Variants in SLC35G2 observed in about 807,000 individuals in gnomAD.
SLC35G2 encodes transmembrane protein 22.
Under a neutral mutation model 27.2 loss-of-function variants are expected in SLC35G2, and 20 were observed. The ratio of observed to expected loss-of-function variants is 0.74; its 90% CI spans 0.52 to 1.07. The LOEUF (loss-of-function observed/expected upper bound fraction) is 1.07. Among genes scored for constraint, SLC35G2 ranks in the 50% least tolerant of loss-of-function variants. SLC35G2 has a pLI of 0.00. For synonymous variants in SLC35G2, 148 were observed against 165.3 expected (o/e 0.90, Z 0.80); for missense variants, 416 against 493.3 (o/e 0.84, Z 1.48).
chr3:136,830,938 TTTTG>T (rs1560011341), intron 1 of SLC35G2, among the ~76,000 whole-genome samples: 1 of 152,242 alleles, frequency 6.6e-6, no homozygotes, highest in Non-Finnish European at 1.5e-5. Context: ...CTTTACTAAA[TTTTG>T]TTTAATCATT....
chr3:136,855,814 A>G lies in SLC35G2; in HGVS notation c.*115A>G. The G allele has an allele frequency of 1.4e-6, 1 of 731,380 alleles. No individual in the cohort carries two copies. The highest frequency in any genetic ancestry group is 2.2e-6 in the Non-Finnish European group (1 of 449,452). 45.3% of individuals were successfully genotyped at this position (731,380 alleles called of 1,614,324 possible). On this transcript the variant is annotated 3_prime_UTR_variant, in exon 2 of 2. Transcript: ENST00000446465. Reference sequence around the variant, plus strand: ...ACTGACAGAGTGCTATAAAATATATAATATATACAAATGCAGAAAATTTAT... The same window carrying G: ...ACTGACAGAGTGCTATAAAATATATGATATATACAAATGCAGAAAATTTAT...
intron 1 of SLC35G2, among the ~76,000 whole-genome samples, chr3:136,841,456 T>C (rs974015512): frequency 1.3e-5 from 2 of 152,000 alleles, no homozygotes; most frequent in African/African-American, 2.4e-5. Flanking sequence ...CAGCCGGACA[T>C]GGTGGCTCAT....
chr3:136,819,285 C>A lies in SLC35G2; in HGVS notation c.-362C>A, dbSNP rs1429141993. 2 of 152,040 alleles carry A rather than the reference C, an allele frequency of 1.3e-5. No individual in the cohort carries two copies. Among genetic ancestry groups the A allele is most frequent in the East Asian group, 1.9e-4 (1 of 5,164 alleles). 9.4% of individuals were successfully genotyped at this position (152,040 alleles called of 1,614,324 possible). On this transcript the variant is annotated 5_prime_UTR_variant, in exon 1 of 2. Transcript: ENST00000446465. Reference sequence around the variant, plus strand: ...TGATCCTGCCTGCCCGGCCGCCCGACAAGGGAATGAGAGCGGACCCCGAAC... The same window carrying A: ...TGATCCTGCCTGCCCGGCCGCCCGAAAAGGGAATGAGAGCGGACCCCGAAC...
intron 1 of SLC35G2, among the ~76,000 whole-genome samples, chr3:136,846,255 G>C (rs974561105): frequency 1.3e-5 from 2 of 152,154 alleles, no homozygotes; most frequent in Non-Finnish European, 2.9e-5. Context: ...ATAGGAATGA[G>C]GTGGTCTCAG....
chr3:136,845,053 T>G (rs547874794), intron 1 of SLC35G2, among the ~76,000 whole-genome samples: 83 of 152,268 alleles, frequency 5.5e-4, no homozygotes, highest in African/African-American at 1.8e-3. Flanking sequence ...TTATGTAATT[T>G]TTAATGACAT....
Position 136,854,632 on chromosome 3 carries a change from C to T in SLC35G2, c.172C>T (p.Leu58=). ...FMEENPKKGL[L]SEMKKKGRAF... Reference sequence around the variant, plus strand: ...GGAGGAAAATCCAAAGAAAGGTCTGCTGAGTGAAATGAAAAAAAAAGGGAG... The same window carrying T: ...GGAGGAAAATCCAAAGAAAGGTCTGTTGAGTGAAATGAAAAAAAAAGGGAG... The change falls in exon 2 of 2, where the codon CTG becomes TTG. Residue 58 remains leucine, a synonymous_variant. Coordinates refer to ENST00000446465, the MANE Select transcript of SLC35G2 (RefSeq NM_025246.3). 1 of 1,613,394 alleles carries T rather than the reference C, an allele frequency of 6.2e-7. No individual in the cohort carries two copies. Among genetic ancestry groups the T allele is most frequent in the Non-Finnish European group, 8.5e-7 (1 of 1,179,888 alleles).
chr3:136,822,033 G>C (rs1936469967), intron 1 of SLC35G2, among the ~76,000 whole-genome samples: 1 of 152,030 alleles, frequency 6.6e-6, no homozygotes, highest in Non-Finnish European at 1.5e-5. Context: ...TTGATATAGG[G>C]ATGCAACATG....
At chr3:136,834,783 T>C (rs1255666879) in intron 1 of SLC35G2, among the ~76,000 whole-genome samples, 1 of 152,238 alleles carries the variant, frequency 6.6e-6, no homozygotes, top group Non-Finnish European at 1.5e-5. Context: ...TCCAACGAAT[T>C]AAATACTGGT....
intron 1 of SLC35G2, chr3:136,838,297 C>T (rs749994376): frequency 1.4e-5 from 2 of 139,866 alleles, no homozygotes; most frequent in Middle Eastern, 3.7e-3. Context: ...GCACACACAA[C>T]GTGTGTGTGC....
chr3:136,834,910 T>C (rs1409461405), intron 1 of SLC35G2, among the ~76,000 whole-genome samples: 1 of 152,238 alleles, frequency 6.6e-6, no homozygotes, highest in Admixed American at 6.5e-5. Flanking sequence ...ACCCAAGTTC[T>C]CCAATTGTAA....
At chr3:136,852,110 A>G (rs997760270) in intron 1 of SLC35G2, among the ~76,000 whole-genome samples, 2 of 152,212 alleles carry the variant, frequency 1.3e-5, no homozygotes, top group African/African-American at 4.8e-5. Context: ...AGGGAAAAAA[A>G]TCTATTTGGG....
intron 1 of SLC35G2, among the ~76,000 whole-genome samples, chr3:136,843,536 C>T (rs1326911063): frequency 6.6e-5 from 10 of 151,874 alleles, no homozygotes; most frequent in South Asian, 2.1e-4. Flanking sequence ...ATCCCAGCTA[C>T]GTGGGAGGTT....
chr3:136,822,947 GT>G (rs1936494222), intron 1 of SLC35G2, among the ~76,000 whole-genome samples: 1 of 152,162 alleles, frequency 6.6e-6, no homozygotes, highest in African/African-American at 2.4e-5. Flanking sequence ...TTGCTGGATT[GT>G]ATGGTAGCTC....
Position 136,830,309 on chromosome 3 carries a change from G to C in SLC35G2, c.-19+10681G>C, listed in dbSNP as rs184205804. Among the ~76,000 whole-genome samples the C allele has an allele frequency of 1.0e-4, 15 of 150,294 alleles. No individual in the cohort carries two copies. The East Asian group carries it at 2.7e-3, about 28-fold the overall frequency. ...TTATTATTATTTTTTTTGAGACAGA[G>C]TCTTGCTCTATCGCCCGAGCTGGAG... On this transcript the variant is annotated intron_variant, in intron 1 of 1. Transcript: ENST00000446465.
At chr3:136,830,007 C>T (rs1246818144) in intron 1 of SLC35G2, among the ~76,000 whole-genome samples, 1 of 151,572 alleles carries the variant, frequency 6.6e-6, no homozygotes, top group Non-Finnish European at 1.5e-5. Context: ...AATAAACTTT[C>T]TACCTCTATC....
Position 136,830,793 on chromosome 3 carries a change from AT to A in SLC35G2, c.-19+11173del, listed in dbSNP as rs551838926. On this transcript the variant is annotated intron_variant, in intron 1 of 1. Transcript: ENST00000446465. ...AAATGGCCTGTCTTTAATCTCAGTA[AT>A]TTTTTTTCTTCTGCCTTATCAATTC... Among the ~76,000 whole-genome samples, 28 of 151,890 alleles carry A rather than the reference AT, an allele frequency of 1.8e-4. No individual in the cohort carries two copies. The East Asian group carries it at 4.7e-3, about 25-fold the overall frequency.
At chr3:136,847,105 A>C (rs1173344558) in intron 1 of SLC35G2, among the ~76,000 whole-genome samples, 1 of 152,124 alleles carries the variant, frequency 6.6e-6, no homozygotes, top group Non-Finnish European at 1.5e-5. Context: ...TGAACCTGGG[A>C]GGTGGAGGTT....
intron 1 of SLC35G2, among the ~76,000 whole-genome samples, chr3:136,839,212 C>G (rs1025825284): frequency 1.3e-5 from 2 of 151,752 alleles, no homozygotes; most frequent in East Asian, 1.9e-4. Flanking sequence ...TCCACTGATT[C>G]AAAGATTAGA....
intron 1 of SLC35G2, among the ~76,000 whole-genome samples, chr3:136,841,399 A>G (rs1037731635): frequency 6.6e-6 from 1 of 152,120 alleles, no homozygotes; most frequent in African/African-American, 2.4e-5. Context: ...TTTGAGTCAG[A>G]TATCAGTTCC....
Sources: gnomAD v4.1 joint callset for allele counts (sites outside exome capture counted in the v4.1 genomes callset) on GRCh38, gnomAD v4.1.1 for gene constraint, MANE v1.5 for transcripts, NCBI Gene and HGNC (gene_info 2026-07-23, HGNC 2026-07-21) for gene names.